STK11: variants seen among roughly 807,000 people sequenced by gnomAD.
STK11 encodes serine/threonine kinase 11, also known as serine/threonine-protein kinase STK11.
A neutral mutation model predicts 47.3 loss-of-function variants in STK11; 8 were observed. The ratio of observed to expected loss-of-function variants is 0.17; its 90% CI spans 0.10 to 0.31. STK11 has a LOEUF of 0.31. STK11 is among the 10% of genes least tolerant of loss of function. STK11 has a pLI of 1.00. For missense variants in STK11, 475 were observed against 605.0 expected, an observed-to-expected ratio of 0.79 and a Z score of 2.25; for synonymous variants, 330 against 255.8, an observed-to-expected ratio of 1.29 and a Z score of -2.77.
chr19:1,208,804 G>A (rs2080688841), intron 1 of STK11, among the ~76,000 whole-genome samples: 1 of 111,142 alleles, frequency 9.0e-6, no homozygotes, highest in Non-Finnish European at 1.8e-5. Flanking sequence ...TTTTTTTTTA[G>A]TAGAGACGGG....
rs929783669 is a variant in STK11 at position 1,220,674 on chromosome 19, T to C, written c.691T>C (p.Phe231Leu). 6.2e-7 allele frequency: 1 copy of C among 1,610,974 alleles called. No individual in the cohort carries two copies. The highest frequency in any genetic ancestry group is 8.5e-7 in the Non-Finnish European group (1 of 1,179,198). Residue 231 changes from phenylalanine to leucine, a missense_variant, in exon 5 of 10, where the codon TTC becomes CTC. By Grantham distance (22) the Phe-to-Leu change is conservative. Around this residue, in one of 5 missense-constraint regions of STK11, gnomAD observed 130 missense variants for 239.7 expected, o/e 0.54. Coordinates refer to ENST00000326873, the MANE Select transcript of STK11 (RefSeq NM_000455.5). Reference protein sequence around the residue: ...PPEIANGLDTFSGFKVDIWSA... With the variant: ...PPEIANGLDTLSGFKVDIWSA... The stretch of plus-strand genomic sequence containing the variant: ...CGAGATTGCCAACGGCCTGGACACC[T>C]TCTCCGGCTTCAAGGTGGACATCTG...
intron 6 of STK11, chr19:1,221,743 C>T: frequency 1.6e-6 from 1 of 634,342 alleles, no homozygotes; most frequent in East Asian, 2.8e-5. Flanking sequence ...CCAGCCCTGT[C>T]TCCCTGCCAG....
rs549881802 is a variant in STK11, at chr19:1,224,885, A to G, written c.1109-1569A>G. The G allele has an allele frequency of 1.8e-4, 180 of 985,650 alleles. 1 individual carries two copies. The African/African-American group carries it at 3.1e-3, about 17-fold the overall frequency. The allele number at this position is 985,650 out of a possible 1,614,324, so 61.1% of individuals were successfully genotyped here. ...TGCTCAGATGCTGGGGACAGGCTCA[A>G]CTTCAGGCTTCAGCGTGAGCCCCGT... On this transcript the variant is annotated intron_variant, in intron 8 of 9. Coordinates refer to ENST00000326873, the MANE Select transcript of STK11 (RefSeq NM_000455.5).
rs587782199 is a variant in STK11, at chr19:1,221,295, G to A, written c.817G>A (p.Ala273Thr). The change falls in exon 6 of 10, where the codon GCC (alanine) becomes ACC (threonine). Residue 273 changes from alanine to threonine, a missense_variant. Physicochemically the swap from Ala to Thr is moderately conservative, Grantham distance 58. Coordinates refer to ENST00000326873, the MANE Select transcript of STK11 (RefSeq NM_000455.5). ...TGAGAACATCGGGAAGGGGAGCTAC[G>A]CCATCCCGGGCGACTGTGGCCCCCC... ...LFENIGKGSY[A>T]IPGDCGPPLS... 21 of 1,610,686 alleles carry A rather than the reference G, an allele frequency of 1.3e-5. No individual in the cohort carries two copies. The highest frequency in any genetic ancestry group is 1.7e-5 in the Admixed American group (1 of 59,758).
intron 1 of STK11, among the ~76,000 whole-genome samples, chr19:1,212,990 CTTTTTTTTTTTTT>C (rs35169539): frequency 1.2e-4 from 11 of 94,754 alleles, no homozygotes; most frequent in Non-Finnish European, 2.1e-5. Context: ...TAAAGTTCAC[CTTTTTTTTTTTTT>C]TTTTTTTTTT....
intron 1 of STK11, chr19:1,216,486 G>C (rs2080745532): frequency 6.5e-6 from 1 of 154,452 alleles, no homozygotes; most frequent in Non-Finnish European, 1.4e-5. Context: ...GGCTGAGTCA[G>C]GAGAAATCGC....
intron 1 of STK11, among the ~76,000 whole-genome samples, chr19:1,213,879 C>T (rs79422367): frequency 0.047 from 7,169 of 152,294 alleles, 240 homozygotes; most frequent in South Asian, 0.1. Context: ...CCGTGGGAGG[C>T]CGGGGCGAGG....
At chr19:1,220,320 C>T in intron 3 of STK11, 53 bp from the exon 4 acceptor site, 3 of 1,564,588 alleles carry the variant, frequency 1.9e-6, no homozygotes, top group Non-Finnish European at 2.6e-6. Context: ...AAAGGGGACC[C>T]CTGTGAGGGG....
intron 1 of STK11, among the ~76,000 whole-genome samples, chr19:1,212,393 G>A (rs1402511394): frequency 2.7e-5 from 4 of 149,240 alleles, no homozygotes; most frequent in Non-Finnish European, 5.9e-5. Flanking sequence ...CAAGGTAGCT[G>A]GGACTGCAGA....
chr19:1,226,625 T>C lies in STK11; in HGVS notation c.1280T>C (p.Leu427Pro), dbSNP rs1373682885. The C allele has an allele frequency of 1.3e-6, 2 of 1,544,934 alleles. No individual in the cohort carries two copies. The highest frequency in any genetic ancestry group is 1.7e-6 in the Non-Finnish European group (2 of 1,145,870). ...TCCGCCAGCAGCAAGATCCGCCGGC[T>C]GTCGGCCTGCAAGCAGCAGTGAGGC... ...ACSASSKIRR[L>P]SACKQQ Residue 427 changes from leucine (L) to proline (P), a missense_variant, in exon 9 of 10, where the codon CTG (leucine) becomes CCG (proline). Physicochemically the swap from Leu to Pro is moderately conservative, Grantham distance 98. Around this residue, in one of 5 missense-constraint regions of STK11, gnomAD observed 219 missense variants for 189.2 expected, o/e 1.16. Transcript: ENST00000326873.
chr19:1,223,706 C>G, intron 8 of STK11: 1 of 1,043,424 alleles, frequency 9.6e-7, no homozygotes, highest in East Asian at 5.7e-5. Flanking sequence ...GGGCTCAGAC[C>G]TTTCAGGAGA....
intron 8 of STK11, 129 bp downstream of exon 8, chr19:1,223,301 C>T: frequency 8.5e-7 from 1 of 1,175,802 alleles, no homozygotes; most frequent in South Asian, 1.4e-5. Context: ...GTCCCCAAAG[C>T]CTCCAGCCCA....
At chr19:1,221,675 GCCGT>G (rs1272866034) in intron 6 of STK11, 13 of 586,932 alleles carry the variant, frequency 2.2e-5, no homozygotes, top group Middle Eastern at 4.5e-4. Flanking sequence ...GGTGGCACTG[GCCGT>G]CCGTCCATCT....
chr19:1,224,580 C>G (rs913493123), intron 8 of STK11: 1 of 985,614 alleles, frequency 1.0e-6, no homozygotes, highest in Non-Finnish European at 1.2e-6. Flanking sequence ...GTGGACCACA[C>G]GCTGACCCCC....
Position 1,228,366 on chromosome 19 carries a change from C to G in STK11, c.*790C>G, listed in dbSNP as rs1410807714. 4.2e-6 allele frequency: 1 copy of G among 237,148 alleles called. No individual in the cohort carries two copies. Among genetic ancestry groups the G allele is most frequent in the African/African-American group, 2.2e-5 (1 of 45,288 alleles). The allele number at this position is 237,148 out of a possible 1,614,324, so 14.7% of individuals were successfully genotyped here. On this transcript the variant is annotated 3_prime_UTR_variant, in exon 10 of 10. Coordinates refer to ENST00000326873, the MANE Select transcript of STK11 (RefSeq NM_000455.5). ...CGGGATGGTGCAGACGCGGCGGGGA[C>G]TCGGAGGGTGCCGTGCGGGCGAGGC...
In STK11 at chr19:1,218,399, CT is replaced by C. The variant is rs764973846; in HGVS notation, c.291-17del. On this transcript the variant is annotated splice_polypyrimidine_tract_variant and intron_variant, in intron 1 of 9. Coordinates refer to ENST00000326873, the MANE Select transcript of STK11 (RefSeq NM_000455.5). ...TGACGTTGGGTCGGCTGATACACCC[CT>C]GTCCTCTCTGTCCCAGGGAAATTCA... The C allele has an allele frequency of 1.2e-5, 20 of 1,610,060 alleles. 1 individual carries two copies. The South Asian group carries it at 1.8e-4, about 14-fold the overall frequency.
In STK11 at chr19:1,220,545, C is replaced by T. The variant is rs532466406; in HGVS notation, c.598-36C>T. ...GGGGGGGCCCTGGGGCGCCCCCTCC[C>T]GGGCACTCCCTGAGGGCTGCACGGC... On this transcript the variant is annotated intron_variant, in intron 4 of 9. Transcript: ENST00000326873. 359 of 1,578,188 alleles carry T rather than the reference C, an allele frequency of 2.3e-4. 9 individuals carry two copies. The Admixed American group carries it at 5.7e-3, about 25-fold the overall frequency.
chr19:1,212,979 C>T (rs2080721514), intron 1 of STK11, among the ~76,000 whole-genome samples: 1 of 145,548 alleles, frequency 6.9e-6, no homozygotes, highest in African/African-American at 2.5e-5. Flanking sequence ...AGTACTGGGC[C>T]TAAAGTTCAC....
rs551470868 is a variant in STK11, at chr19:1,220,773, C to T, written c.734+56C>T. The T allele has an allele frequency of 5.5e-4, 851 of 1,545,942 alleles. 1 individual carries two copies. The highest frequency in any genetic ancestry group is 7.0e-4 in the Non-Finnish European group (801 of 1,142,072). On this transcript the variant is annotated intron_variant, in intron 5 of 9. Coordinates refer to ENST00000326873, the MANE Select transcript of STK11 (RefSeq NM_000455.5). ...ACACGCACACTCCGAGGGGCCTCTG[C>T]GTCTTGGGCAGCTGCCGGCCTGTGG...
Sources: gnomAD v4.1 joint callset for allele counts (sites outside exome capture counted in the v4.1 genomes callset) on GRCh38, gnomAD v4.1.1 for gene constraint, gnomAD v4.1.1 regional missense constraint, MANE v1.5 for transcripts, NCBI Gene and HGNC (gene_info 2026-07-23, HGNC 2026-07-21) for gene names.